Variants in CAMKMT observed in about 807,000 individuals in gnomAD.
CAMKMT encodes the protein calmodulin-lysine N-methyltransferase, also known as CaM KMT.
CAMKMT carries 53 observed loss-of-function variants against 48.0 expected under a neutral mutation model. The ratio of observed to expected loss-of-function variants is 1.10; its 90% confidence interval spans 0.89 to 1.39. The LOEUF (loss-of-function observed/expected upper bound fraction) is 1.39, where lower values mean the gene tolerates loss of function less well. Ranked by LOEUF, CAMKMT falls within the 40% of genes most tolerant of loss-of-function variation. The pLI, the probability that CAMKMT is intolerant of heterozygous loss-of-function variation, is 0.00. For missense variants in CAMKMT, 428 were observed against 402.7 expected (o/e 1.06, Z -0.54); for synonymous variants, 165 against 152.3 (o/e 1.08, Z -0.61).
At chr2:44,753,560 A>T (rs1011152890) in intron 8 of CAMKMT, among the ~76,000 whole-genome samples, 3 of 152,218 alleles carry the variant, frequency 2.0e-5, no homozygotes, top group African/African-American at 7.2e-5. Context: ...CCTAAGTCAG[A>T]CGTTGAATCT....
intron 3 of CAMKMT, among the ~76,000 whole-genome samples, chr2:44,423,084 T>A (rs1684038805): frequency 6.6e-6 from 1 of 152,214 alleles, no homozygotes; most frequent in South Asian, 2.1e-4. Context: ...AGGAATAATA[T>A]TTGTTCTACT....
chr2:44,420,744 G>C (rs1428212816), intron 3 of CAMKMT, among the ~76,000 whole-genome samples: 1 of 151,660 alleles, frequency 6.6e-6, no homozygotes, highest in Admixed American at 6.6e-5. Flanking sequence ...TAAAATATTT[G>C]TTGATAGGTT....
chr2:44,472,488 A>G (rs1296207692), intron 3 of CAMKMT, among the ~76,000 whole-genome samples: 1 of 152,244 alleles, frequency 6.6e-6, no homozygotes, highest in African/African-American at 2.4e-5. Flanking sequence ...GAACTTTTGC[A>G]TCAGCCCCCA....
intron 3 of CAMKMT, among the ~76,000 whole-genome samples, chr2:44,401,836 A>G (rs904129612): frequency 6.6e-6 from 1 of 152,186 alleles, no homozygotes; most frequent in African/African-American, 2.4e-5. Context: ...CTACACCAGC[A>G]ACAAGCATCT....
In CAMKMT at chr2:44,437,967, C is replaced by T. The variant is rs541258401; in HGVS notation, c.376+47662C>T. On this transcript the variant is annotated intron_variant, in intron 3 of 10. Coordinates refer to ENST00000378494, the MANE Select transcript of CAMKMT (RefSeq NM_024766.5). ...TAATGTGTGTTTTTTTTTCCTGCCA[C>T]CTCTACTGGTTTTTTAATAAAGTAA... 3.1e-4 allele frequency among the ~76,000 whole-genome samples: 47 copies of T among 151,912 alleles called. No individual in the cohort carries two copies. In the South Asian group the frequency reaches 9.4e-3, roughly 30 times the overall value.
chr2:44,511,481 G>T (rs1481962407), intron 3 of CAMKMT, among the ~76,000 whole-genome samples: 1 of 151,874 alleles, frequency 6.6e-6, no homozygotes, highest in Admixed American at 6.6e-5. Flanking sequence ...TAGAGACAGG[G>T]TATCACCATG....
chr2:44,610,072 G>A (rs1671514025), intron 3 of CAMKMT, among the ~76,000 whole-genome samples: 1 of 152,112 alleles, frequency 6.6e-6, no homozygotes, highest in African/African-American at 2.4e-5. Flanking sequence ...CCCCACTAAG[G>A]AAGGAGGTTT....
intron 3 of CAMKMT, among the ~76,000 whole-genome samples, chr2:44,601,986 TCTG>T (rs1671018759): frequency 6.6e-6 from 1 of 151,988 alleles, no homozygotes; most frequent in African/African-American, 2.4e-5. Context: ...TATATTGTAG[TCTG>T]CTTTTTAAAA....
At chr2:44,429,321 T>C (rs1450327936) in intron 3 of CAMKMT, among the ~76,000 whole-genome samples, 1 of 151,504 alleles carries the variant, frequency 6.6e-6, no homozygotes, top group South Asian at 2.1e-4. Context: ...GTCTTATGGA[T>C]GGTGAATTAT....
intron 3 of CAMKMT, among the ~76,000 whole-genome samples, chr2:44,635,874 C>A (rs997429803): frequency 6.6e-6 from 1 of 152,186 alleles, no homozygotes; most frequent in Non-Finnish European, 1.5e-5. Flanking sequence ...GTATTCCCTG[C>A]AGTGAAACTG....
chr2:44,487,328 A>T (rs1669261795), intron 3 of CAMKMT, among the ~76,000 whole-genome samples: 1 of 152,174 alleles, frequency 6.6e-6, no homozygotes, highest in Non-Finnish European at 1.5e-5. Flanking sequence ...GCTTAAAAAG[A>T]ACTTTCTAGC....
In CAMKMT at chr2:44,404,569, A is replaced by G. The variant is rs184978000; in HGVS notation, c.376+14264A>G. Among the ~76,000 whole-genome samples, 6 of 152,192 alleles carry G rather than the reference A, an allele frequency of 3.9e-5. No homozygotes were observed. In the East Asian group the frequency reaches 1.2e-3, roughly 29 times the overall value. Reference sequence around the variant, plus strand: ...AAATAGCATGCCCTATTCCTCATGAATTGCTATTTCTTTGCTTAAATTTCC... The same window carrying G: ...AAATAGCATGCCCTATTCCTCATGAGTTGCTATTTCTTTGCTTAAATTTCC... On this transcript the variant is annotated intron_variant, in intron 3 of 10. Coordinates refer to ENST00000378494, the MANE Select transcript of CAMKMT (RefSeq NM_024766.5).
intron 3 of CAMKMT, among the ~76,000 whole-genome samples, chr2:44,640,318 T>C (rs2103998092): frequency 6.6e-6 from 1 of 152,310 alleles, no homozygotes; most frequent in Middle Eastern, 3.4e-3. Flanking sequence ...GTTCCCCTTT[T>C]ATGTAGAGTT....
At chr2:44,707,934 C>T (rs1677651700) in intron 6 of CAMKMT, among the ~76,000 whole-genome samples, 1 of 152,126 alleles carries the variant, frequency 6.6e-6, no homozygotes, top group Non-Finnish European at 1.5e-5. Flanking sequence ...CTATATCCCC[C>T]ACTGGAACAG....
intron 8 of CAMKMT, among the ~76,000 whole-genome samples, chr2:44,752,731 G>A (rs1298109042): frequency 2.0e-5 from 3 of 152,232 alleles, no homozygotes; most frequent in African/African-American, 7.2e-5. Context: ...CTTCTGCCAA[G>A]ATGACACCTA....
At chr2:44,398,316 A>G (rs1015893503) in intron 3 of CAMKMT, among the ~76,000 whole-genome samples, 62 of 152,210 alleles carry the variant, frequency 4.1e-4, no homozygotes, top group African/African-American at 1.3e-3. Context: ...TGAAACAGAA[A>G]GTGGTAACTT....
chr2:44,529,565 T>C (rs1666355957), intron 3 of CAMKMT, among the ~76,000 whole-genome samples: 1 of 152,206 alleles, frequency 6.6e-6, no homozygotes, highest in African/African-American at 2.4e-5. Flanking sequence ...TGGAGTCATG[T>C]ACTTTGGGCT....
At chr2:44,531,256 G>T (rs1213637245) in intron 3 of CAMKMT, among the ~76,000 whole-genome samples, 1 of 151,958 alleles carries the variant, frequency 6.6e-6, no homozygotes, top group African/African-American at 2.4e-5. Flanking sequence ...TTAAATAATG[G>T]GTCTAATACA....
intron 3 of CAMKMT, among the ~76,000 whole-genome samples, chr2:44,589,948 G>C (rs911768390): frequency 1.2e-4 from 16 of 137,004 alleles, no homozygotes; most frequent in Non-Finnish European, 1.6e-4. Flanking sequence ...ATAGTTTGTT[G>C]CTGGTATATA....
Sources: allele counts gnomAD v4.1 joint callset (sites outside exome capture counted in the v4.1 genomes callset), GRCh38; gene constraint gnomAD v4.1.1; transcripts MANE v1.5; gene names NCBI Gene and HGNC (gene_info 2026-07-23, HGNC 2026-07-21).